The following LOC128125822 variants were observed in gnomAD, a reference collection of about 807,000 sequenced individuals.
At chr6:63,581,642 C>G in the LOC128125822 span, 1 of 152,022 alleles carries the variant, frequency 6.6e-6, no homozygotes, top group Non-Finnish European at 1.5e-5. Flanking sequence ...AAAGCACTTT[C>G]CATTATATAC....
the LOC128125822 span, among the ~76,000 whole-genome samples, chr6:63,579,585 A>G: frequency 1.3e-5 from 2 of 152,190 alleles, no homozygotes; most frequent in African/African-American, 4.8e-5. Flanking sequence ...GTTATTTTGT[A>G]TTTTTATTGA....
the LOC128125822 span, among the ~76,000 whole-genome samples, chr6:63,579,577 T>C: frequency 6.6e-6 from 1 of 152,264 alleles, no homozygotes; most frequent in Non-Finnish European, 1.5e-5. Context: ...ATATGTTGGT[T>C]ATTTTGTATT....
the LOC128125822 span, chr6:63,580,227 G>GGC: frequency 1.5e-6 from 2 of 1,357,316 alleles, no homozygotes; most frequent in East Asian, 4.6e-5. Context: ...GGCCTAATTT[G>GGC]TTATACATAT....
chr6:63,578,460 C>T, the LOC128125822 span: 1 of 1,608,280 alleles, frequency 6.2e-7, no homozygotes. Flanking sequence ...ATGGAGTTAC[C>T]ACAATAGTAA....
At chr6:63,580,836 A>C in the LOC128125822 span, 1 of 152,442 alleles carries the variant, frequency 6.6e-6, no homozygotes, top group Non-Finnish European at 1.5e-5. Context: ...TACGTTGTAC[A>C]GAAGCACATG....
chr6:63,578,400 T>TA, the LOC128125822 span: 1 of 1,589,020 alleles, frequency 6.3e-7, no homozygotes, highest in Non-Finnish European at 8.5e-7. Context: ...GTGATGTGGT[T>TA]AAACATTAAG....
At chr6:63,577,979 A>T in the LOC128125822 span, among the ~76,000 whole-genome samples, 1 of 107,494 alleles carries the variant, frequency 9.3e-6, no homozygotes, top group Non-Finnish European at 1.8e-5. Context: ...TGTAGTTAAG[A>T]CTTCATTCAA....
At chr6:63,577,039 C>A in the LOC128125822 span, 2 of 1,362,232 alleles carry the variant, frequency 1.5e-6, no homozygotes, top group South Asian at 1.2e-5. Flanking sequence ...AATAGTGGGA[C>A]TTATAGCTAA....
chr6:63,578,672 T>TA, the LOC128125822 span: 1 of 1,304,498 alleles, frequency 7.7e-7, no homozygotes, highest in Non-Finnish European at 1.0e-6. Flanking sequence ...TGCAGAATCT[T>TA]AATTTCTAAA....
the LOC128125822 span, chr6:63,580,992 T>C: frequency 1.3e-5 from 2 of 152,344 alleles, no homozygotes; most frequent in Non-Finnish European, 2.9e-5. Flanking sequence ...TGTGCAAACA[T>C]GTAGAATATG....
At chr6:63,580,113 C>G in the LOC128125822 span, 1 of 1,613,412 alleles carries the variant, frequency 6.2e-7, no homozygotes, top group South Asian at 1.1e-5. Context: ...AAGTATCGTC[C>G]TAAAATGCGG....
chr6:63,576,749 A>G, the LOC128125822 span: 1 of 700,640 alleles, frequency 1.4e-6, no homozygotes, highest in South Asian at 1.9e-5. Context: ...ATTACTTACA[A>G]CTTCATACTC....
chr6:63,580,257 G>A, the LOC128125822 span: 1 of 1,157,702 alleles, frequency 8.6e-7, no homozygotes, highest in Non-Finnish European at 1.3e-6. Flanking sequence ...TGTTGGCTTA[G>A]TAAGTCTAAT....
chr6:63,576,492 T>C, the LOC128125822 span: 2 of 402,404 alleles, frequency 5.0e-6, no homozygotes, highest in African/African-American at 2.1e-5. Flanking sequence ...GCAGTGGAGA[T>C]TACTGCCAGG....
chr6:63,578,667 A>C, the LOC128125822 span: 1 of 1,313,426 alleles, frequency 7.6e-7, no homozygotes, highest in Non-Finnish European at 1.0e-6. Context: ...TATTGTGCAG[A>C]ATCTTAATTT....
chr6:63,573,523 C>G, the LOC128125822 span: 1 of 152,178 alleles, frequency 6.6e-6, no homozygotes, highest in East Asian at 1.9e-4. Context: ...CGGGCGTGCT[C>G]GGGCGCACAC....
At chr6:63,579,112 T>A in the LOC128125822 span, 74 of 1,395,268 alleles carry the variant, frequency 5.3e-5, no homozygotes, top group Non-Finnish European at 7.0e-5. Context: ...TATAATTTTT[T>A]AATATAAAGT....
chr6:63,579,403 C>A, the LOC128125822 span: 1 of 1,051,738 alleles, frequency 9.5e-7, no homozygotes, highest in Non-Finnish European at 1.4e-6. Context: ...GTTTAATAGT[C>A]TAATAGCCCA....
chr6:63,573,605 T>G, the LOC128125822 span: 12 of 152,174 alleles, frequency 7.9e-5, 1 homozygote. Context: ...CAGAGTGGGG[T>G]TCTGCTAGGT....
Sources: gnomAD v4.1 joint callset for allele counts (sites outside exome capture counted in the v4.1 genomes callset) on GRCh38, gnomAD v4.1.1 for gene constraint, MANE v1.5 for transcripts.